ZNF804A: variants seen among roughly 807,000 people sequenced by gnomAD.
ZNF804A encodes zinc finger protein 804A.
Under a neutral mutation model 16.5 loss-of-function variants are expected in ZNF804A, and 2 were observed. The ratio of observed to expected loss-of-function variants is 0.12; its 90% confidence interval spans 0.05 to 0.38. The LOEUF (loss-of-function observed/expected upper bound fraction) is 0.38. ZNF804A is among the 10% of genes least tolerant of loss of function. ZNF804A has a pLI of 0.99. For missense variants in ZNF804A, 1,473 were observed against 1,390.7 expected (o/e 1.06, Z -0.94); for synonymous variants, 534 against 489.6 (o/e 1.09, Z -1.20).
At chr2:184,857,912 A>T (rs1366242940) in intron 1 of ZNF804A, among the ~76,000 whole-genome samples, 1 of 151,942 alleles carries the variant, frequency 6.6e-6, no homozygotes, top group Non-Finnish European at 1.5e-5. Context: ...GTATTCAGCC[A>T]CTCTATATTT....
At chr2:184,883,403 G>T (rs1018744326) in intron 2 of ZNF804A, among the ~76,000 whole-genome samples, 1 of 152,074 alleles carries the variant, frequency 6.6e-6, no homozygotes, top group Non-Finnish European at 1.5e-5. Flanking sequence ...GAGGAGGAGA[G>T]ATTCCTCCCT....
At chr2:184,873,906 T>C (rs6709436) in intron 2 of ZNF804A, among the ~76,000 whole-genome samples, 45,810 of 152,002 alleles carry the variant, frequency 0.3, 8,933 homozygotes, top group African/African-American at 0.55. Flanking sequence ...CTCAGGAAAA[T>C]AATCTTGTAA....
intron 1 of ZNF804A, among the ~76,000 whole-genome samples, chr2:184,806,170 G>C (rs965348577): frequency 7.9e-5 from 12 of 151,868 alleles, no homozygotes; most frequent in African/African-American, 2.9e-4. Flanking sequence ...GAATAAGTAG[G>C]CAACCTCTGA....
At chr2:184,647,923 G>A (rs575147928) in intron 1 of ZNF804A, among the ~76,000 whole-genome samples, 1 of 152,114 alleles carries the variant, frequency 6.6e-6, no homozygotes, top group East Asian at 1.9e-4. Flanking sequence ...TCTCACCAAA[G>A]GACGTAGTCA....
intron 1 of ZNF804A, among the ~76,000 whole-genome samples, chr2:184,684,162 A>C (rs1405017025): frequency 1.3e-5 from 2 of 152,216 alleles, no homozygotes; most frequent in African/African-American, 4.8e-5. Flanking sequence ...CTAAGGCGTA[A>C]TGAATGATTT....
intron 1 of ZNF804A, among the ~76,000 whole-genome samples, chr2:184,844,613 T>TC (rs1488257375): frequency 3.3e-5 from 5 of 151,942 alleles, no homozygotes; most frequent in African/African-American, 1.2e-4. Context: ...TTTTTTTTTT[T>TC]CCTTTAAAAC....
At chr2:184,788,926 A>C (rs908374435) in intron 1 of ZNF804A, among the ~76,000 whole-genome samples, 2 of 152,038 alleles carry the variant, frequency 1.3e-5, no homozygotes, top group African/African-American at 4.8e-5. Flanking sequence ...TCCTGGGAGA[A>C]ATACTTTCAT....
chr2:184,714,412 A>T (rs1693182256), intron 1 of ZNF804A, among the ~76,000 whole-genome samples: 1 of 152,106 alleles, frequency 6.6e-6, no homozygotes, highest in Non-Finnish European at 1.5e-5. Flanking sequence ...ACATTTCTAA[A>T]GTTTAGAATT....
intron 1 of ZNF804A, among the ~76,000 whole-genome samples, chr2:184,829,512 AC>A (rs1695224762): frequency 6.6e-6 from 1 of 151,942 alleles, no homozygotes. Flanking sequence ...CAAAATGTTT[AC>A]CCTCCTAAAG....
At position 184,639,587 on chromosome 2, in the gene ZNF804A, G is replaced by A. The variant is rs1691759385; in HGVS notation, c.111+40517G>A. On this transcript the variant is annotated intron_variant, in intron 1 of 3. Coordinates refer to ENST00000302277, the MANE Select transcript of ZNF804A (RefSeq NM_194250.2). The stretch of plus-strand genomic sequence containing the variant: ...GAATGCCTATTAAATAAATGCATGA[G>A]AAAGAAGACAAAAGAAAATATATTA... Among the ~76,000 whole-genome samples, 8 of 152,220 alleles carry A rather than the reference G, an allele frequency of 5.3e-5. No homozygotes were observed. In the South Asian group the frequency reaches 1.4e-3, roughly 28 times the overall value.
chr2:184,810,107 T>C (rs1440650446), intron 1 of ZNF804A, among the ~76,000 whole-genome samples: 1 of 152,162 alleles, frequency 6.6e-6, no homozygotes, highest in Non-Finnish European at 1.5e-5. Context: ...GTGAAAAACT[T>C]AGTGAAGTAA....
intron 1 of ZNF804A, among the ~76,000 whole-genome samples, chr2:184,615,803 C>T (rs1691310398): frequency 6.6e-6 from 1 of 152,112 alleles, no homozygotes; most frequent in South Asian, 2.1e-4. Flanking sequence ...GGCACAAAGA[C>T]ACAGGGTCCA....
intron 1 of ZNF804A, among the ~76,000 whole-genome samples, chr2:184,673,895 G>A (rs1317259573): frequency 6.6e-6 from 1 of 152,078 alleles, no homozygotes; most frequent in Non-Finnish European, 1.5e-5. Context: ...TAGCAAAGTA[G>A]GTAATAGAAT....
intron 1 of ZNF804A, among the ~76,000 whole-genome samples, chr2:184,852,229 T>TCTCTCTCTC: frequency 7.4e-6 from 1 of 134,750 alleles, no homozygotes; most frequent in African/African-American, 2.8e-5. Flanking sequence ...TGCGGTCTCT[T>TCTCTCTCTC]TCTCTCTCTC....
intron 1 of ZNF804A, among the ~76,000 whole-genome samples, chr2:184,695,776 C>T (rs924188503): frequency 6.6e-6 from 1 of 151,980 alleles, no homozygotes; most frequent in Non-Finnish European, 1.5e-5. Flanking sequence ...TGGATTTAGA[C>T]TTGTTCTTGT....
In ZNF804A at chr2:184,762,090, C is replaced by CT. The variant is rs945077151; in HGVS notation, c.112-104270dup. Among the ~76,000 whole-genome samples, 6 of 151,308 alleles carry CT rather than the reference C, an allele frequency of 4.0e-5. No homozygotes were observed. In the East Asian group the frequency reaches 6.0e-4, roughly 15 times the overall value. The stretch of plus-strand genomic sequence containing the variant: ...GTCACATTCCATGATGTCTCTCTCT[C>CT]TTTTTTTTTCTCACATTGTCTCCTC... On this transcript the variant is annotated intron_variant, in intron 1 of 3. Transcript: ENST00000302277.
intron 1 of ZNF804A, among the ~76,000 whole-genome samples, chr2:184,784,177 G>T (rs1694413600): frequency 6.6e-6 from 1 of 151,794 alleles, no homozygotes; most frequent in South Asian, 2.1e-4. Context: ...CTTTGGTAAG[G>T]TGAACCATGT....
intron 1 of ZNF804A, among the ~76,000 whole-genome samples, chr2:184,630,271 C>T (rs1048570493): frequency 2.6e-5 from 4 of 152,058 alleles, no homozygotes; most frequent in South Asian, 2.1e-4. Context: ...AACTGCTATT[C>T]GGAAATTTGG....
At chr2:184,854,959 AT>A (rs1392963164) in intron 1 of ZNF804A, among the ~76,000 whole-genome samples, 4 of 152,008 alleles carry the variant, frequency 2.6e-5, no homozygotes, top group East Asian at 3.8e-4. Context: ...TTTAAAAAAA[AT>A]GTGTTGATAA....
Sources: allele counts gnomAD v4.1 joint callset (sites outside exome capture counted in the v4.1 genomes callset), GRCh38; gene constraint gnomAD v4.1.1; transcripts MANE v1.5; gene names NCBI Gene and HGNC (gene_info 2026-07-23, HGNC 2026-07-21).